TUSC3: variants seen among roughly 807,000 people sequenced by gnomAD.
TUSC3 encodes the protein tumor suppressor candidate 3.
Under a neutral mutation model 44.8 loss-of-function variants are expected in TUSC3, and 45 were observed. That is an observed-to-expected ratio of 1.00 (90% CI 0.79 to 1.29). The LOEUF (loss-of-function observed/expected upper bound fraction) is 1.29. TUSC3 is among the 50% of genes most tolerant of loss of function. TUSC3 has a pLI of 0.00. For synonymous variants in TUSC3, 212 were observed against 152.9 expected, an observed-to-expected ratio of 1.39 and a Z score of -2.85; for missense variants, 519 against 437.9, an observed-to-expected ratio of 1.19 and a Z score of -1.65.
chr8:15,473,448 G>C (rs540185104), intron 1 of TUSC3, among the ~76,000 whole-genome samples: 3 of 152,162 alleles, frequency 2.0e-5, no homozygotes, highest in African/African-American at 7.2e-5. Context: ...TCAACTTGAA[G>C]TCTTGTTCCA....
At chr8:15,794,467 A>G in the TUSC3 span, among the ~76,000 whole-genome samples, 1 of 152,220 alleles carries the variant, frequency 6.6e-6, no homozygotes, top group Non-Finnish European at 1.5e-5. Flanking sequence ...GTCAAGTACT[A>G]TAAATGGTTT....
chr8:15,627,203 C>G (rs1478092399), intron 2 of TUSC3, among the ~76,000 whole-genome samples: 2 of 152,122 alleles, frequency 1.3e-5, no homozygotes, highest in African/African-American at 4.8e-5. Context: ...GCTGAGGAGA[C>G]AATGGTAGGA....
At chr8:15,468,531 T>G (rs1467912785) in intron 1 of TUSC3, among the ~76,000 whole-genome samples, 1 of 152,172 alleles carries the variant, frequency 6.6e-6, no homozygotes, top group South Asian at 2.1e-4. Context: ...TCTGTCAAAT[T>G]AGCATGAGTT....
the TUSC3 span, among the ~76,000 whole-genome samples, chr8:15,839,803 G>A: frequency 6.6e-6 from 1 of 152,152 alleles, no homozygotes; most frequent in Non-Finnish European, 1.5e-5. Context: ...TTCAACCATT[G>A]TGGAAGACAG....
intron 1 of TUSC3, among the ~76,000 whole-genome samples, chr8:15,429,112 G>T (rs997934620): frequency 1.3e-5 from 2 of 152,084 alleles, no homozygotes; most frequent in African/African-American, 4.8e-5. Flanking sequence ...GGTCTAACAT[G>T]TAAGTCTTTA....
intron 1 of TUSC3, among the ~76,000 whole-genome samples, chr8:15,477,171 A>G (rs1046250396): frequency 1.3e-5 from 2 of 152,132 alleles, no homozygotes; most frequent in African/African-American, 2.4e-5. Context: ...GTCAGCATGA[A>G]TCGACCTTAG....
Position 15,502,219 on chromosome 8 carries a change from C to T in TUSC3, n.189+18736C>T, listed in dbSNP as rs545305038. Reference sequence around the variant, plus strand: ...TCTTTGCGCAAGTTTTTGCTGAAGTCTACAAACTGCTTATTTCTTCACTTG... The same window carrying T: ...TCTTTGCGCAAGTTTTTGCTGAAGTTTACAAACTGCTTATTTCTTCACTTG... On this transcript the variant is annotated intron_variant and non_coding_transcript_variant, in intron 2 of 5. Transcript: ENST00000503191. Among the ~76,000 whole-genome samples the T allele has an allele frequency of 2.3e-4, 35 of 152,302 alleles. 1 individual carries two copies. The South Asian group carries it at 3.9e-3, about 17-fold the overall frequency.
chr8:15,710,726 A>G (rs1316278625), intron 6 of TUSC3, among the ~76,000 whole-genome samples: 1 of 151,490 alleles, frequency 6.6e-6, no homozygotes, highest in East Asian at 1.9e-4. Flanking sequence ...AGAAACATAT[A>G]TAGGCATAAA....
intron 6 of TUSC3, among the ~76,000 whole-genome samples, chr8:15,701,038 T>G (rs12676604): frequency 0.49 from 74,219 of 151,514 alleles, 20,430 homozygotes; most frequent in Non-Finnish European, 0.63. Flanking sequence ...CCAGGGTGTT[T>G]GGCAGTATTT....
chr8:15,775,649 T>TACATAC, the TUSC3 span, among the ~76,000 whole-genome samples: 7 of 127,352 alleles, frequency 5.5e-5, no homozygotes, highest in African/African-American at 2.0e-4. Flanking sequence ...TATATATATA[T>TACATAC]ACACACACAT....
intron 9 of TUSC3, among the ~76,000 whole-genome samples, chr8:15,752,813 A>G (rs1045660565): frequency 6.6e-6 from 1 of 152,082 alleles, no homozygotes; most frequent in Admixed American, 6.6e-5. Flanking sequence ...CTGATAGCCA[A>G]AGCCTCTAAG....
intron 1 of TUSC3, among the ~76,000 whole-genome samples, chr8:15,540,771 G>T (rs568716529): frequency 6.6e-6 from 1 of 152,248 alleles, no homozygotes; most frequent in South Asian, 2.1e-4. Context: ...AAAAACGACG[G>T]CAAAGCGTGT....
intron 9 of TUSC3, among the ~76,000 whole-genome samples, chr8:15,756,943 G>A (rs914376016): frequency 7.2e-5 from 11 of 152,156 alleles, no homozygotes; most frequent in African/African-American, 2.7e-4. Flanking sequence ...AAGAATTTGA[G>A]ACCAGTCTGA....
chr8:15,581,666 T>C (rs1195332643), intron 1 of TUSC3, among the ~76,000 whole-genome samples: 3 of 149,188 alleles, frequency 2.0e-5, no homozygotes, highest in South Asian at 4.3e-4. Flanking sequence ...GAGGAGGCAG[T>C]CTGCCCGTTC....
chr8:15,508,244 C>A (rs1457040879), intron 2 of TUSC3, among the ~76,000 whole-genome samples: 1 of 151,866 alleles, frequency 6.6e-6, no homozygotes, highest in Non-Finnish European at 1.5e-5. Context: ...TGTCTAACAA[C>A]AATGACAACA....
chr8:15,527,403 G>A (rs909951791), intron 2 of TUSC3, among the ~76,000 whole-genome samples: 1 of 152,106 alleles, frequency 6.6e-6, no homozygotes, highest in Non-Finnish European at 1.5e-5. Context: ...TTTTAGTAGA[G>A]ATGGGGTTTT....
intron 2 of TUSC3, among the ~76,000 whole-genome samples, chr8:15,484,349 A>G (rs2129124996): frequency 6.6e-6 from 1 of 152,344 alleles, no homozygotes; most frequent in South Asian, 2.1e-4. Context: ...TGAATATAAT[A>G]TAGTACTTAA....
At chr8:15,679,687 A>G (rs1488425185) in intron 6 of TUSC3, among the ~76,000 whole-genome samples, 2 of 151,996 alleles carry the variant, frequency 1.3e-5, no homozygotes, top group Non-Finnish European at 2.9e-5. Context: ...GTCCAAAAGG[A>G]TATTTCTTAG....
intron 1 of TUSC3, among the ~76,000 whole-genome samples, chr8:15,582,232 T>C (rs1461358442): frequency 6.6e-6 from 1 of 152,178 alleles, no homozygotes; most frequent in Non-Finnish European, 1.5e-5. Context: ...GAGAGAAACC[T>C]GGTACCTCAG....
Sources: allele counts gnomAD v4.1 joint callset (sites outside exome capture counted in the v4.1 genomes callset), GRCh38; gene constraint gnomAD v4.1.1; transcripts MANE v1.5; gene names NCBI Gene and HGNC (gene_info 2026-07-23, HGNC 2026-07-21).